CSTF3: variants seen among roughly 807,000 people sequenced by gnomAD.
CSTF3 encodes CF-1 77 kDa subunit.
A neutral mutation model predicts 105.8 loss-of-function variants in CSTF3; 29 were observed. The ratio of observed to expected loss-of-function variants is 0.27; its 90% confidence interval spans 0.20 to 0.37. CSTF3 has a LOEUF of 0.37. CSTF3 is among the 10% of genes least tolerant of loss of function. The pLI is 1.00. For missense variants in CSTF3, 357 were observed against 879.3 expected, an observed-to-expected ratio of 0.41 and a Z score of 7.51; for synonymous variants, 252 against 281.9, an observed-to-expected ratio of 0.89 and a Z score of 1.06.
intron 1 of CSTF3, among the ~76,000 whole-genome samples, chr11:33,149,302 CATGTAA>C (rs1590287697): frequency 1.3e-5 from 2 of 152,172 alleles, no homozygotes; most frequent in Non-Finnish European, 2.9e-5. Context: ...ACAATCTATA[CATGTAA>C]TTCTCAATCA....
intron 3 of CSTF3, among the ~76,000 whole-genome samples, chr11:33,140,606 T>A (rs756773842): frequency 3.3e-5 from 5 of 152,058 alleles, no homozygotes; most frequent in Admixed American, 2.6e-4. Context: ...CAGATGACAC[T>A]GTGTTGTGCT....
intron 1 of CSTF3, chr11:33,156,636 G>A: frequency 1.1e-5 from 5 of 442,668 alleles, no homozygotes; most frequent in South Asian, 3.2e-5. Context: ...CATTTGGCTT[G>A]TATTTTAGGC....
chr11:33,152,710 C>T (rs1849803571), intron 1 of CSTF3, among the ~76,000 whole-genome samples: 1 of 152,150 alleles, frequency 6.6e-6, no homozygotes, highest in Non-Finnish European at 1.5e-5. Flanking sequence ...CCTGTAATCT[C>T]AGCACTTTGG....
intron 3 of CSTF3, among the ~76,000 whole-genome samples, chr11:33,113,659 T>C (rs1855402730): frequency 6.6e-6 from 1 of 152,172 alleles, no homozygotes; most frequent in Non-Finnish European, 1.5e-5. Context: ...GAAAAAATAA[T>C]AAATTTTTTA....
intron 3 of CSTF3, among the ~76,000 whole-genome samples, chr11:33,131,479 G>C (rs1251122557): frequency 6.6e-6 from 1 of 152,096 alleles, no homozygotes; most frequent in African/African-American, 2.4e-5. Context: ...AGATTTCTTA[G>C]GTCAGTTCGT....
At chr11:33,088,642 T>G (rs935916318) in intron 17 of CSTF3, among the ~76,000 whole-genome samples, 1 of 152,210 alleles carries the variant, frequency 6.6e-6, no homozygotes, top group South Asian at 2.1e-4. Flanking sequence ...AGACAGGGTC[T>G]CACTCTGTCA....
At chr11:33,092,414 T>G in intron 15 of CSTF3, 74 bp from the exon 16 acceptor site, 1 of 920,136 alleles carries the variant, frequency 1.1e-6, no homozygotes, top group South Asian at 1.9e-5. Context: ...ATGCATTATC[T>G]CACTTCATCC....
intron 17 of CSTF3, among the ~76,000 whole-genome samples, chr11:33,089,810 C>G (rs1474852648): frequency 1.3e-5 from 2 of 152,180 alleles, no homozygotes; most frequent in African/African-American, 4.8e-5. Flanking sequence ...CAACCAAGGA[C>G]TTCTCTGTGA....
chr11:33,105,712 T>A lies in CSTF3; in HGVS notation c.459-19A>T. The A allele has an allele frequency of 3.7e-6, 6 of 1,611,914 alleles. No individual in the cohort carries two copies. The highest frequency in any genetic ancestry group is 5.1e-6 in the Non-Finnish European group (6 of 1,178,530). On this transcript the variant is annotated intron_variant, in intron 7 of 20. Transcript: ENST00000323959. ...AGCTTCCCTGAGATTGGATAAGAAA[T>A]GCCATCAATTATATTATAACCAAAT...
At chr11:33,116,443 A>T (rs1855431731) in intron 3 of CSTF3, among the ~76,000 whole-genome samples, 1 of 152,206 alleles carries the variant, frequency 6.6e-6, no homozygotes, top group Admixed American at 6.6e-5. Flanking sequence ...TAACAAGGAA[A>T]GCTTCACTGA....
chr11:33,097,152 T>G (rs182745457), intron 13 of CSTF3, among the ~76,000 whole-genome samples, 174 bp from the exon 14 acceptor site: 1 of 152,242 alleles, frequency 6.6e-6, no homozygotes, highest in Non-Finnish European at 1.5e-5. Context: ...ATTTATTTTT[T>G]TATTGAGACA....
intron 15 of CSTF3, among the ~76,000 whole-genome samples, chr11:33,094,841 A>T (rs1266633039): frequency 2.6e-5 from 4 of 151,406 alleles, no homozygotes; most frequent in Non-Finnish European, 5.9e-5. Flanking sequence ...ATAATTGCAT[A>T]TTTCTTTCTT....
chr11:33,113,206 AAAATAAATAAATAAAT>A (rs61101354), intron 3 of CSTF3, among the ~76,000 whole-genome samples: 23 of 147,252 alleles, frequency 1.6e-4, no homozygotes, highest in South Asian at 6.5e-4. Flanking sequence ...ACTTTGTCTC[AAAATAAATAAATAAAT>A]AAATAAATAA....
chr11:33,117,026 G>A (rs1371566359), intron 3 of CSTF3, among the ~76,000 whole-genome samples: 1 of 151,836 alleles, frequency 6.6e-6, no homozygotes, highest in Non-Finnish European at 1.5e-5. Flanking sequence ...GGTATAAATT[G>A]TCTGATTAAA....
At chr11:33,155,317 T>C (rs1849848879) in intron 1 of CSTF3, among the ~76,000 whole-genome samples, 1 of 151,792 alleles carries the variant, frequency 6.6e-6, no homozygotes, top group African/African-American at 2.4e-5. Flanking sequence ...CGAGCCGTGA[T>C]TGCGCCACTG....
At chr11:33,132,655 T>C (rs1010436942) in intron 3 of CSTF3, among the ~76,000 whole-genome samples, 2 of 152,216 alleles carry the variant, frequency 1.3e-5, no homozygotes, top group Non-Finnish European at 2.9e-5. Context: ...AATATTCCCA[T>C]GGATAAGCAA....
At chr11:33,092,378 CT>C in intron 15 of CSTF3, 38 bp from the exon 16 acceptor site, 1 of 1,327,216 alleles carries the variant, frequency 7.5e-7, no homozygotes. Flanking sequence ...TTTTAATTCA[CT>C]TTTACGATGC....
At chr11:33,143,788 G>T (rs1855744010) in intron 1 of CSTF3, among the ~76,000 whole-genome samples, 1 of 148,166 alleles carries the variant, frequency 6.7e-6, no homozygotes, top group South Asian at 2.2e-4. Context: ...CAGGAGATTG[G>T]GACCATCCTG....
At chr11:33,156,211 G>A (rs749149371) in intron 1 of CSTF3, among the ~76,000 whole-genome samples, 2 of 152,114 alleles carry the variant, frequency 1.3e-5, no homozygotes, top group African/African-American at 2.4e-5. Flanking sequence ...ACTAAAAATA[G>A]GAGGCAGAAA....
Sources: allele counts gnomAD v4.1 joint callset (sites outside exome capture counted in the v4.1 genomes callset), GRCh38; gene constraint gnomAD v4.1.1; transcripts MANE v1.5; gene names NCBI Gene and HGNC (gene_info 2026-07-23, HGNC 2026-07-21).